Variants in CFAP46 observed in about 807,000 individuals in gnomAD.
CFAP46 encodes the protein cilia and flagella associated protein 46.
In CFAP46, 245 loss-of-function variants were observed where a neutral mutation model predicts 325.7. The ratio of observed to expected loss-of-function variants is 0.75; its 90% CI spans 0.68 to 0.84. The LOEUF (loss-of-function observed/expected upper bound fraction) is 0.84. Ranked by LOEUF, CFAP46 falls within the 40% of genes least tolerant of loss-of-function variation. CFAP46 has a pLI of 0.00. For missense variants in CFAP46, 3,346 were observed against 3,543.0 expected (o/e 0.94, Z 1.41); for synonymous variants, 1,523 against 1,495.9 (o/e 1.02, Z -0.42).
chr10:132,935,347 A>T (rs938865027), intron 7 of CFAP46, among the ~76,000 whole-genome samples: 6 of 148,062 alleles, frequency 4.1e-5, no homozygotes, highest in African/African-American at 1.5e-4. Context: ...ACCCACTGTG[A>T]TCTCCTCACT....
intron 50 of CFAP46, among the ~76,000 whole-genome samples, chr10:132,825,911 C>T (rs890448498): frequency 2.0e-5 from 3 of 152,086 alleles, no homozygotes; most frequent in African/African-American, 4.8e-5. Flanking sequence ...TGTCTGGTAA[C>T]GGGGGGTGGG....
intron 31 of CFAP46, 104 bp from the exon 32 acceptor site, chr10:132,872,928 T>A: frequency 3.1e-6 from 4 of 1,290,578 alleles, no homozygotes; most frequent in Non-Finnish European, 4.3e-6. Flanking sequence ...TGCCAGCACA[T>A]GTCTGCACAC....
At chr10:132,879,339 T>C (rs1207260629) in intron 29 of CFAP46, 87 bp downstream of exon 29, 61 of 1,288,034 alleles carry the variant, frequency 4.7e-5, no homozygotes, top group Non-Finnish European at 5.9e-5. Context: ...GACTCTGACA[T>C]CTTTACAACG....
chr10:132,887,164 CTT>C (rs755447594), intron 25 of CFAP46, among the ~76,000 whole-genome samples: 205 of 34,604 alleles, frequency 5.9e-3, no homozygotes, highest in Admixed American at 0.019. Context: ...TCTCCTCTCT[CTT>C]CTTTCCTCTC....
chr10:132,918,650 G>A (rs975511521), intron 15 of CFAP46, 130 bp from the exon 16 acceptor site: 22 of 1,243,374 alleles, frequency 1.8e-5, no homozygotes, highest in Middle Eastern at 4.5e-4. Flanking sequence ...CAAGGTGGGC[G>A]GGTAGGCGGG....
intron 50 of CFAP46, among the ~76,000 whole-genome samples, chr10:132,824,301 G>A (rs1847980344): frequency 7.0e-6 from 1 of 143,024 alleles, no homozygotes; most frequent in African/African-American, 2.6e-5. Flanking sequence ...GATGTGTGCT[G>A]TGTGCTGTGT....
chr10:132,847,251 C>A lies in CFAP46; in HGVS notation c.6023G>T (p.Ser2008Ile), dbSNP rs778848777. Residue 2008 changes from serine to isoleucine, a missense_variant, in exon 42 of 58, where the codon AGC becomes ATC. Ser to Ile is a moderately radical substitution (Grantham distance 142). Transcript: ENST00000368586. This position sits in a 1 kb window ranked among gnomAD's most constrained non-coding sequence, Gnocchi z 5.2. The stretch of plus-strand genomic sequence containing the variant: ...TGCCCTGGAGGCCGGCGGGTCCCTG[C>A]TGGACTTTGTGGCACCCTCTTCCTC... ...EVEEEGATKSSRDPPASRAAP... is the reference protein window; with the variant it reads ...EVEEEGATKSIRDPPASRAAP... 37 of 1,613,314 alleles carry A rather than the reference C, an allele frequency of 2.3e-5. No homozygotes were observed. Among genetic ancestry groups the A allele is most frequent in the Non-Finnish European group, 2.6e-5 (31 of 1,179,954 alleles).
intron 50 of CFAP46, among the ~76,000 whole-genome samples, chr10:132,824,451 T>G (rs1341165977): frequency 3.0e-5 from 4 of 131,800 alleles, no homozygotes. Context: ...TGCTGATGTG[T>G]GCTGTGTGCT....
chr10:132,887,428 CTTCT>C (rs1295175912), intron 25 of CFAP46, among the ~76,000 whole-genome samples: 1 of 97,844 alleles, frequency 1.0e-5, no homozygotes. Context: ...CTCCTCCCCT[CTTCT>C]TTCCTCTCCC....
chr10:132,860,340 T>G, intron 37 of CFAP46, 77 bp downstream of exon 37: 1 of 1,127,052 alleles, frequency 8.9e-7, no homozygotes, highest in Non-Finnish European at 1.3e-6. Context: ...ACTTGACGTA[T>G]GGCACAAAAA....
At chr10:132,894,089 G>A (rs1849290655) in intron 24 of CFAP46, among the ~76,000 whole-genome samples, 1 of 152,236 alleles carries the variant, frequency 6.6e-6, no homozygotes, top group Non-Finnish European at 1.5e-5. Context: ...CACGCTTTGA[G>A]GTTGCTGCAG....
intron 13 of CFAP46, among the ~76,000 whole-genome samples, chr10:132,921,677 T>C (rs751958533): frequency 1.3e-5 from 2 of 152,214 alleles, no homozygotes; most frequent in Non-Finnish European, 2.9e-5. Context: ...TAGTCCAATC[T>C]GACTGGTGTC....
Position 132,878,016 on chromosome 10 carries a change from T to C in CFAP46, c.4077A>G (p.Leu1359=). 6.5e-7 allele frequency: 1 copy of C among 1,545,796 alleles called. No individual in the cohort carries two copies. Among genetic ancestry groups the C allele is most frequent in the East Asian group, 2.4e-5 (1 of 40,888 alleles). The part of the protein sequence containing the change: ...RPLAATSSHL[L]LPKKEKENER... Reference sequence around the variant, plus strand: ...CATTCTCCTTCTCTTTTTTAGGCAATAACAGATGTGAGCTGGTTGCTGCCA... The same window carrying C: ...CATTCTCCTTCTCTTTTTTAGGCAACAACAGATGTGAGCTGGTTGCTGCCA... Residue 1359 remains leucine (L), a synonymous_variant, in exon 30 of 58, where the codon TTA becomes TTG. Coordinates refer to ENST00000368586, the MANE Select transcript of CFAP46 (RefSeq NM_001200049.3).
intron 27 of CFAP46, among the ~76,000 whole-genome samples, chr10:132,882,479 C>A (rs1849062132): frequency 6.6e-6 from 1 of 151,614 alleles, no homozygotes; most frequent in Admixed American, 6.6e-5. Context: ...GAGGATGGAG[C>A]TGCAACATCT....
At chr10:132,909,319 T>A in intron 20 of CFAP46, 75 bp from the exon 21 acceptor site, 1 of 1,011,496 alleles carries the variant, frequency 9.9e-7, no homozygotes, top group Non-Finnish European at 1.5e-6. Context: ...AATTTAACAC[T>A]GCAAGGTATT....
chr10:132,845,165 C>T (rs1474195870), intron 44 of CFAP46, among the ~76,000 whole-genome samples: 1 of 152,230 alleles, frequency 6.6e-6, no homozygotes, highest in African/African-American at 2.4e-5. Context: ...TTCCTCCAGG[C>T]GCAGGGCCAG....
At chr10:132,928,201 T>A (rs1205770187) in intron 9 of CFAP46, among the ~76,000 whole-genome samples, 1 of 152,180 alleles carries the variant, frequency 6.6e-6, no homozygotes, top group Non-Finnish European at 1.5e-5. Context: ...TGCTGCCATT[T>A]TGCAGGGACA....
At position 132,820,864 on chromosome 10, in the gene CFAP46, C is replaced by CTGTGTGTGCTGATGTGTGCTG. The variant is rs1847790457; in HGVS notation, c.7118-5971_7118-5951dup. Among the ~76,000 whole-genome samples, 8 of 110,396 alleles carry CTGTGTGTGCTGATGTGTGCTG rather than the reference C, an allele frequency of 7.2e-5. 1 individual carries two copies. Among genetic ancestry groups the CTGTGTGTGCTGATGTGTGCTG allele is most frequent in the Non-Finnish European group, 1.3e-4 (7 of 55,546 alleles). 72.4% of individuals were successfully genotyped at this position (110,396 alleles called of 152,430 possible). A position where few individuals can be genotyped will look rare whatever the true frequency, so the allele number is the denominator to read the frequency against. On this transcript the variant is annotated intron_variant, in intron 50 of 57. Transcript: ENST00000368586. ...TGTGCTGTGTGTGCGCTGATGTGTG[C>CTGTGTGTGCTGATGTGTGCTG]TGTGTGTGCTGATGTGTGCTGTGTG...
chr10:132,925,302 C>A (rs1374412893), intron 10 of CFAP46, among the ~76,000 whole-genome samples: 1 of 152,240 alleles, frequency 6.6e-6, no homozygotes, highest in Non-Finnish European at 1.5e-5. Context: ...CCCACACTCC[C>A]ACCTCCCACA....
Sources: allele counts gnomAD v4.1 joint callset (sites outside exome capture counted in the v4.1 genomes callset), GRCh38; gene constraint gnomAD v4.1.1; non-coding constraint Gnocchi (gnomAD v3.1); transcripts MANE v1.5; gene names NCBI Gene and HGNC (gene_info 2026-07-23, HGNC 2026-07-21).